NOS3: variants seen among roughly 807,000 people sequenced by gnomAD.
NOS3 encodes NOS type III.
Under a neutral mutation model 144.9 loss-of-function variants are expected in NOS3, and 98 were observed. The ratio of observed to expected loss-of-function variants is 0.68; its 90% CI spans 0.57 to 0.80. The LOEUF (loss-of-function observed/expected upper bound fraction) is 0.80, where lower values mean the gene tolerates loss of function less well. Among genes scored for constraint, NOS3 ranks in the 30% least tolerant of loss-of-function variants. The probability of loss-of-function intolerance (pLI) is 0.00; values close to 1 mark genes in which losing one functional copy is unlikely to be tolerated. For missense variants in NOS3, 1,465 were observed against 1,656.4 expected (o/e 0.88, Z 2.01); for synonymous variants, 714 against 702.4 (o/e 1.02, Z -0.26).
rs1795215662 is a variant in NOS3, at chr7:151,006,990, C to A, written c.1922C>A (p.Ala641Asp). The A allele has an allele frequency of 6.2e-7, 1 of 1,613,802 alleles. No individual in the cohort carries two copies. The highest frequency in any genetic ancestry group is 1.3e-5 in the African/African-American group (1 of 74,940). Reference protein sequence around the residue: ...KESSNTDSAGALGTLRFCVFG... With the variant: ...KESSNTDSAGDLGTLRFCVFG... ...TCCAGTAACACAGACAGTGCAGGGG[C>A]CCTGGGCACCCTCAGGTCAGGGCCT... is the stretch of plus-strand genomic sequence containing the variant. The change falls in exon 16 of 27, where the codon GCC (alanine) becomes GAC (aspartate). Residue 641 changes from alanine to aspartate, a missense_variant. Ala to Asp is a moderately radical substitution (Grantham distance 126, BLOSUM62 -2). Around this residue, in one of 5 missense-constraint regions of NOS3, gnomAD observed 745 missense variants for 853.9 expected, o/e 0.87. Transcript: ENST00000297494.
chr7:151,002,383 AACACACACACACACACACACACACACAC>A lies in NOS3; in HGVS notation c.1752+122_1752+149del, dbSNP rs3138808. The stretch of plus-strand genomic sequence containing the variant: ...AGTGACTGGGCAGGAACCTCTGCCC[AACACACACACACACACACACACACACAC>A]ACACACACACACACACACACACACA... On this transcript the variant is annotated intron_variant, in intron 14 of 26. Coordinates refer to ENST00000297494, the MANE Select transcript of NOS3 (RefSeq NM_000603.5). This position sits in a 1 kb window ranked among gnomAD's most constrained non-coding sequence, Gnocchi z 4.1. 3.3e-3 allele frequency: 904 copies of A among 270,948 alleles called. 4 individuals carry two copies. The highest frequency in any genetic ancestry group is 6.7e-3 in the African/African-American group (165 of 24,518). 16.8% of individuals were successfully genotyped at this position (270,948 alleles called of 1,614,324 possible).
chr7:151,010,814 C>A lies in NOS3; in HGVS notation c.2896+7C>A. 6.2e-7 allele frequency: 1 copy of A among 1,609,330 alleles called. No individual in the cohort carries two copies. The highest frequency in any genetic ancestry group is 8.5e-7 in the Non-Finnish European group (1 of 1,177,762). ...CTGGCATACAGGACTCAGGGTGAGGCAACAAGCAGGAGCAGGCCTGGCCAC... is the reference window on the plus strand; with the variant it reads ...CTGGCATACAGGACTCAGGGTGAGGAAACAAGCAGGAGCAGGCCTGGCCAC... On this transcript the variant is annotated splice_region_variant and intron_variant, in intron 22 of 26. Coordinates refer to ENST00000297494, the MANE Select transcript of NOS3 (RefSeq NM_000603.5).
At position 150,996,930 on chromosome 7, in the gene NOS3, G is replaced by T; in HGVS notation, c.582+5G>T. On this transcript the variant is annotated splice_donor_5th_base_variant and intron_variant, in intron 5 of 26. Transcript: ENST00000297494. ...ATCCAGTGGGGGAAGCTGCAGGTGC[G>T]GCTGGCCAGCGACTGAGAGACCCGG... 4 of 1,558,156 alleles carry T rather than the reference G, an allele frequency of 2.6e-6. No individual in the cohort carries two copies. The highest frequency in any genetic ancestry group is 2.6e-6 in the Non-Finnish European group (3 of 1,151,906).
In NOS3 at chr7:151,014,361, C is replaced by T. The variant is rs1040199580; in HGVS notation, c.*192C>T. ...TTTTCCCTCTCTAGGCCTGTTGCCT[C>T]GGGCCTGGGTCCGCCTTAATCTGGA... is the stretch of plus-strand genomic sequence containing the variant. On this transcript the variant is annotated 3_prime_UTR_variant, in exon 27 of 27. Coordinates refer to ENST00000297494, the MANE Select transcript of NOS3 (RefSeq NM_000603.5). 3 of 629,206 alleles carry T rather than the reference C, an allele frequency of 4.8e-6. No homozygotes were observed. Among genetic ancestry groups the T allele is most frequent in the Non-Finnish European group, 5.2e-6 (2 of 381,112 alleles). The allele number at this position is 629,206 out of a possible 1,614,324, so 39.0% of individuals were successfully genotyped here.
Position 151,009,414 on chromosome 7 carries a change from G to T in NOS3, c.2341G>T (p.Val781Leu). 1 of 1,539,842 alleles carries T rather than the reference G, an allele frequency of 6.5e-7. No individual in the cohort carries two copies. ...SSKSTRATIL[V>L]RLDTGGQEGL... ...CACCCCCAGGAGGGCCACCATCCTG[G>T]TGCGCCTGGACACCGGAGGCCAGGA... Residue 781 changes from valine to leucine, a missense_variant, in exon 20 of 27, where the codon GTG (valine) becomes TTG (leucine). Val to Leu is a conservative substitution (Grantham distance 32, BLOSUM62 1). Transcript: ENST00000297494.
At chr7:150,991,554 T>C (rs901110228) in intron 1 of NOS3, among the ~76,000 whole-genome samples, 1 of 152,194 alleles carries the variant, frequency 6.6e-6, no homozygotes, top group East Asian at 1.9e-4. Flanking sequence ...AGTGGCTTTG[T>C]TCTTGGCTGA....
chr7:150,994,878 C>G (rs923516694), intron 2 of NOS3, among the ~76,000 whole-genome samples: 1 of 152,204 alleles, frequency 6.6e-6, no homozygotes, highest in African/African-American at 2.4e-5. Flanking sequence ...CTCTGTCCCC[C>G]TCAGGGTAGG....
Position 151,013,005 on chromosome 7 carries a change from A to G in NOS3, c.3107-226A>G. On this transcript the variant is annotated intron_variant, in intron 24 of 26. Coordinates refer to ENST00000297494, the MANE Select transcript of NOS3 (RefSeq NM_000603.5). ...AAGCCGCGCATTCTAGCGCAGCTCC[A>G]CCAGGGGCCACCACCTCACCCGCGC... 7.2e-6 allele frequency: 4 copies of G among 555,210 alleles called. No individual in the cohort carries two copies. The South Asian group carries it at 7.3e-5, about 10-fold the overall frequency. The allele number at this position is 555,210 out of a possible 1,614,324, so 34.4% of individuals were successfully genotyped here.
chr7:150,998,307 C>G lies in NOS3; in HGVS notation c.583-50C>G, dbSNP rs200615246. 3.1e-5 allele frequency: 47 copies of G among 1,533,378 alleles called. No homozygotes were observed. Among genetic ancestry groups the G allele is most frequent in the Middle Eastern group, 1.7e-4 (1 of 5,932 alleles). 95.0% of individuals were successfully genotyped at this position (1,533,378 alleles called of 1,614,324 possible). A position where few individuals can be genotyped will look rare whatever the true frequency, so the allele number is the denominator to read the frequency against. On this transcript the variant is annotated intron_variant, in intron 5 of 26. Transcript: ENST00000297494. This position sits in a 1 kb window ranked among gnomAD's most constrained non-coding sequence, Gnocchi z 5.0. ...GCTCCTCTGGAGCTGATACTCAAGA[C>G]CCCCCGTCTCTCTCCTCACCCTCCT...
intron 21 of NOS3, 82 bp downstream of exon 21, chr7:151,010,369 C>A: frequency 7.4e-7 from 1 of 1,349,720 alleles, no homozygotes; most frequent in Non-Finnish European, 1.0e-6. Flanking sequence ...AACCCCCATG[C>A]AAAGTCCCCC....
chr7:151,009,124 A>G lies in NOS3; in HGVS notation c.2245+62A>G, dbSNP rs1795251021. 3.1e-6 allele frequency: 5 copies of G among 1,612,972 alleles called. No individual in the cohort carries two copies. In the African/African-American group the frequency reaches 4.0e-5, roughly 13 times the overall value. ...TGAGGCCCCCACACCCCGGGACTAA[A>G]GCACTCTGGGGCCAGGCCCTGCTCC... On this transcript the variant is annotated intron_variant, in intron 18 of 26. Transcript: ENST00000297494.
Position 151,009,426 on chromosome 7 carries a change from A to G in NOS3, c.2353A>G (p.Thr785Ala). The G allele has an allele frequency of 6.5e-7, 1 of 1,532,122 alleles. No homozygotes were observed. The highest frequency in any genetic ancestry group is 8.8e-7 in the Non-Finnish European group (1 of 1,138,942). 94.9% of individuals were successfully genotyped at this position (1,532,122 alleles called of 1,614,324 possible). ...GGCCACCATCCTGGTGCGCCTGGAC[A>G]CCGGAGGCCAGGAGGGGCTGCAGTA... ...TRATILVRLDTGGQEGLQYQP... is the reference protein window; with the variant it reads ...TRATILVRLDAGGQEGLQYQP... Residue 785 changes from threonine (T) to alanine (A), a missense_variant, in exon 20 of 27, where the codon ACC (threonine) becomes GCC (alanine). Transcript: ENST00000297494.
chr7:151,000,658 C>A, intron 10 of NOS3, 59 bp downstream of exon 10: 1 of 1,169,780 alleles, frequency 8.5e-7, no homozygotes, highest in Non-Finnish European at 1.3e-6. Flanking sequence ...GCAGCAGGGG[C>A]GGGGGATGGA....
intron 5 of NOS3, 28 bp downstream of exon 5, chr7:150,996,953 C>T (rs1004209345): frequency 2.1e-5 from 32 of 1,541,846 alleles, no homozygotes; most frequent in Non-Finnish European, 2.5e-5. Context: ...CTGAGAGACC[C>T]GGGCGCTACC....
In NOS3 at chr7:151,008,964, C is replaced by T; in HGVS notation, c.2147C>T (p.Ala716Val). 6.2e-7 allele frequency: 1 copy of T among 1,610,468 alleles called. No homozygotes were observed. Among genetic ancestry groups the T allele is most frequent in the South Asian group, 1.1e-5 (1 of 90,432 alleles). ...ACETFCVGED[A>V]KAAARDIFSP... ...GAGACCTTCTGTGTGGGAGAGGATG[C>T]CAAGGCCGCCGCCCGAGACATCTTC... is the stretch of plus-strand genomic sequence containing the variant. Residue 716 changes from alanine (A) to valine (V), a missense_variant, in exon 18 of 27, where the codon GCC becomes GTC. By Grantham distance (64) the Ala-to-Val change is moderately conservative (BLOSUM62 0). Transcript: ENST00000297494.
chr7:151,012,433 G>A lies in NOS3; in HGVS notation c.3067G>A (p.Gly1023Arg). The A allele has an allele frequency of 6.2e-7, 1 of 1,611,522 alleles. No individual in the cohort carries two copies. Among genetic ancestry groups the A allele is most frequent in the Non-Finnish European group, 8.5e-7 (1 of 1,179,164 alleles). The change falls in exon 24 of 27, where the codon GGA becomes AGA. Residue 1023 changes from glycine (G) to arginine (R), a missense_variant. Coordinates refer to ENST00000297494, the MANE Select transcript of NOS3 (RefSeq NM_000603.5). Reference sequence around the variant, plus strand: ...AGGCACTGGCATTGCCCCCTTCCGGGGATTCTGGCAGGAGCGGCTGCATGA... The same window carrying A: ...AGGCACTGGCATTGCCCCCTTCCGGAGATTCTGGCAGGAGCGGCTGCATGA... ...GPGTGIAPFR[G>R]FWQERLHDIE...
In NOS3 at chr7:150,995,305, G is replaced by A. The variant is rs541352173; in HGVS notation, c.261G>A (p.Gln87=). 2 of 1,610,046 alleles carry A rather than the reference G, an allele frequency of 1.2e-6. No homozygotes were observed. Among genetic ancestry groups the A allele is most frequent in the African/African-American group, 2.7e-5 (2 of 74,938 alleles). Residue 87 remains glutamine (Q), a synonymous_variant, in exon 3 of 27, where the codon CAG becomes CAA. Transcript: ENST00000297494. ...GSITYDTLSA[Q]AQQDGPCTPR... ...TCACCTATGACACCCTCAGCGCCCA[G>A]GCGCAGCAGGTAAGGCCGGCATGCC...
Position 151,010,770 on chromosome 7 carries a change from C to A in NOS3, c.2859C>A (p.Ile953=). The A allele has an allele frequency of 1.2e-6, 2 of 1,613,380 alleles. No individual in the cohort carries two copies. Among genetic ancestry groups the A allele is most frequent in the South Asian group, 2.2e-5 (2 of 90,936 alleles). ...SSAPSTHPGE[I]HLTVAVLAYR... ...CACCCAGCACCCACCCAGGAGAGAT[C>A]CACCTCACTGTAGCTGTGCTGGCAT... is the stretch of plus-strand genomic sequence containing the variant. The change falls in exon 22 of 27, where the codon ATC becomes ATA. Residue 953 remains isoleucine, a synonymous_variant. Transcript: ENST00000297494.
intron 12 of NOS3, 42 bp from the exon 13 acceptor site, chr7:151,001,779 C>T (rs766838883): frequency 1.2e-6 from 2 of 1,612,380 alleles, no homozygotes; most frequent in Admixed American, 1.7e-5. Context: ...GAGGCCCTGC[C>T]TCTGTGCACC....
Sources: allele counts gnomAD v4.1 joint callset (sites outside exome capture counted in the v4.1 genomes callset), GRCh38; gene constraint gnomAD v4.1.1; regional missense constraint gnomAD v4.1.1; non-coding constraint Gnocchi (gnomAD v3.1); transcripts MANE v1.5; gene names NCBI Gene and HGNC (gene_info 2026-07-23, HGNC 2026-07-21).